MIPEP: variants seen among roughly 807,000 people sequenced by gnomAD.
MIPEP encodes mitochondrial intermediate peptidase.
In MIPEP, 79 loss-of-function variants were observed where a neutral mutation model predicts 90.3. That is an observed-to-expected ratio of 0.87 (90% confidence interval 0.73 to 1.05). The LOEUF is 1.05. MIPEP is among the 50% of genes least tolerant of loss of function. The pLI is 0.00. For missense variants in MIPEP, 940 were observed against 905.6 expected (o/e 1.04, Z -0.49); for synonymous variants, 334 against 315.8 (o/e 1.06, Z -0.61).
chr13:23,880,827 A>C (rs1871244141), intron 3 of MIPEP, among the ~76,000 whole-genome samples: 1 of 152,222 alleles, frequency 6.6e-6, no homozygotes, highest in Non-Finnish European at 1.5e-5. Flanking sequence ...GGGTCTTCCA[A>C]GGAAGCCTCG....
At chr13:23,781,056 C>T (rs148224909) in intron 16 of MIPEP, among the ~76,000 whole-genome samples, 30,059 of 152,086 alleles carry the variant, frequency 0.2, 3,485 homozygotes, top group Non-Finnish European at 0.27. Flanking sequence ...GAGAACTTCC[C>T]GAACTTAGCA....
At chr13:23,739,236 G>A (rs1952298466) in intron 18 of MIPEP, among the ~76,000 whole-genome samples, 1 of 152,234 alleles carries the variant, frequency 6.6e-6, no homozygotes, top group Non-Finnish European at 1.5e-5. Context: ...CAGATCTGTA[G>A]TGGGGACGGA....
intron 8 of MIPEP, among the ~76,000 whole-genome samples, chr13:23,862,704 A>G (rs1489889230): frequency 6.6e-6 from 1 of 152,232 alleles, no homozygotes; most frequent in Non-Finnish European, 1.5e-5. Context: ...AAGAGACTTA[A>G]CAAATTAACT....
intron 16 of MIPEP, among the ~76,000 whole-genome samples, chr13:23,763,008 A>G (rs1478560762): frequency 3.3e-5 from 5 of 152,214 alleles, no homozygotes; most frequent in Non-Finnish European, 7.4e-5. Flanking sequence ...TTTTCATCCT[A>G]TTAAGATGCA....
At chr13:23,779,690 G>T (rs1952757850) in intron 16 of MIPEP, among the ~76,000 whole-genome samples, 1 of 152,152 alleles carries the variant, frequency 6.6e-6, no homozygotes, top group Non-Finnish European at 1.5e-5. Context: ...CAAGGGGTCA[G>T]GGGATTCTCT....
intron 18 of MIPEP, among the ~76,000 whole-genome samples, chr13:23,741,739 A>C (rs1332639775): frequency 3.9e-5 from 6 of 152,026 alleles, no homozygotes; most frequent in Non-Finnish European, 1.5e-5. Flanking sequence ...CCTGGGTGAT[A>C]ATATAATTTG....
At chr13:23,843,649 T>C (rs1869405479) in intron 10 of MIPEP, among the ~76,000 whole-genome samples, 4 of 152,156 alleles carry the variant, frequency 2.6e-5, no homozygotes, top group Non-Finnish European at 2.9e-5. Context: ...GAGCATCTGA[T>C]GTTTTCTGGA....
chr13:23,861,184 T>G (rs148346035), intron 9 of MIPEP, among the ~76,000 whole-genome samples: 3 of 152,232 alleles, frequency 2.0e-5, no homozygotes, highest in African/African-American at 4.8e-5. Context: ...AGGGACTTCA[T>G]GAGGAGATTG....
intron 16 of MIPEP, among the ~76,000 whole-genome samples, chr13:23,777,375 C>T (rs905727586): frequency 6.6e-5 from 10 of 152,148 alleles, no homozygotes; most frequent in Non-Finnish European, 1.3e-4. Flanking sequence ...GTAGGTTAAA[C>T]TTATAAACTA....
At chr13:23,750,531 A>G (rs1456769925) in intron 18 of MIPEP, among the ~76,000 whole-genome samples, 2 of 152,234 alleles carry the variant, frequency 1.3e-5, no homozygotes, top group East Asian at 1.9e-4. Flanking sequence ...ACTTCCCATC[A>G]TATTATATCA....
At chr13:23,793,305 T>C (rs1308434928) in intron 16 of MIPEP, among the ~76,000 whole-genome samples, 5 of 152,204 alleles carry the variant, frequency 3.3e-5, no homozygotes, top group Admixed American at 1.3e-4. Context: ...ACAGACATGT[T>C]GTATAAAAGT....
chr13:23,860,087 CAA>C (rs1388285427), intron 9 of MIPEP, among the ~76,000 whole-genome samples: 2 of 152,170 alleles, frequency 1.3e-5, no homozygotes, highest in East Asian at 3.9e-4. Context: ...CAGACAAAAA[CAA>C]GAGGATGATA....
intron 14 of MIPEP, among the ~76,000 whole-genome samples, chr13:23,829,104 A>G (rs1047194244): frequency 6.6e-6 from 1 of 152,262 alleles, no homozygotes; most frequent in Non-Finnish European, 1.5e-5. Context: ...GTGCTGGGAC[A>G]GTTTGTTACT....
chr13:23,814,094 T>A (rs1953207843), intron 14 of MIPEP, among the ~76,000 whole-genome samples: 1 of 152,164 alleles, frequency 6.6e-6, no homozygotes, highest in Admixed American at 6.6e-5. Context: ...CATAAATAAT[T>A]TTCACCGTAT....
chr13:23,876,245 C>T (rs1871068598), intron 4 of MIPEP, among the ~76,000 whole-genome samples: 1 of 152,210 alleles, frequency 6.6e-6, no homozygotes, highest in Non-Finnish European at 1.5e-5. Flanking sequence ...TGCTGGCTGA[C>T]AAAAAGTTTT....
intron 15 of MIPEP, 124 bp from the exon 16 acceptor site, chr13:23,806,193 A>T (rs1953105103): frequency 3.1e-6 from 3 of 957,350 alleles, no homozygotes; most frequent in Non-Finnish European, 3.2e-6. Context: ...ACAGTCACAA[A>T]AATAAACTTA....
At chr13:23,865,656 G>T (rs1366422117) in intron 7 of MIPEP, among the ~76,000 whole-genome samples, 2 of 146,544 alleles carry the variant, frequency 1.4e-5, no homozygotes, top group Non-Finnish European at 3.0e-5. Context: ...TACATGTGAA[G>T]AATCTGCCTC....
At chr13:23,818,948 C>CA (rs1186024611) in intron 14 of MIPEP, among the ~76,000 whole-genome samples, 26 of 151,626 alleles carry the variant, frequency 1.7e-4, no homozygotes, top group African/African-American at 3.1e-4. Flanking sequence ...TAAATTTGAC[C>CA]AAAAAAAACA....
chr13:23,736,342 A>G (rs1952263409), intron 18 of MIPEP, among the ~76,000 whole-genome samples: 1 of 152,190 alleles, frequency 6.6e-6, no homozygotes, highest in African/African-American at 2.4e-5. Context: ...GTAGATCTTC[A>G]CCTATTTGTC....
Sources: gnomAD v4.1 joint callset for allele counts (sites outside exome capture counted in the v4.1 genomes callset) on GRCh38, gnomAD v4.1.1 for gene constraint, MANE v1.5 for transcripts, NCBI Gene and HGNC (gene_info 2026-07-23, HGNC 2026-07-21) for gene names.